CNTNAP2: variants seen among roughly 807,000 people sequenced by gnomAD.
CNTNAP2 encodes the protein contactin-associated protein-like 2.
Under a neutral mutation model 155.2 loss-of-function variants are expected in CNTNAP2, and 98 were observed. The ratio of observed to expected loss-of-function variants is 0.63; its 90% CI spans 0.54 to 0.75. The LOEUF is 0.75. Ranked by LOEUF, CNTNAP2 falls within the 30% of genes least tolerant of loss-of-function variation. The pLI, the probability that CNTNAP2 is intolerant of heterozygous loss-of-function variation, is 0.00. For synonymous variants in CNTNAP2, 651 were observed against 631.2 expected (o/e 1.03, Z -0.47); for missense variants, 1,727 against 1,688.1 (o/e 1.02, Z -0.40).
rs879600389 is a variant in CNTNAP2, at chr7:146,638,476, C to CTTTTTTTTTTTTTTTTTTTTTTTTT, written c.98-135773_98-135772insTTTTTTTTTTTTTTTTTTTTTTTTT. On this transcript the variant is annotated intron_variant, in intron 1 of 23. Coordinates refer to ENST00000361727, the MANE Select transcript of CNTNAP2 (RefSeq NM_014141.6). Reference sequence around the variant, plus strand: ...AACAGTTTAATACAGTCAGGTGTTTCTTTTTTTTTTTTTTTTTTTTTTCTT... The same window carrying CTTTTTTTTTTTTTTTTTTTTTTTTT: ...AACAGTTTAATACAGTCAGGTGTTTCTTTTTTTTTTTTTTTTTTTTTTTTTTTTTTTTTTTTTTTTTTTTTTTCTT... Among the ~76,000 whole-genome samples, 24 of 64,358 alleles carry CTTTTTTTTTTTTTTTTTTTTTTTTT rather than the reference C, an allele frequency of 3.7e-4. 2 individuals carry two copies. The highest frequency in any genetic ancestry group is 5.3e-4 in the East Asian group (1 of 1,886). The allele number at this position is 64,358 out of a possible 152,430, so 42.2% of individuals were successfully genotyped here. A position where few individuals can be genotyped will look rare whatever the true frequency, so the allele number is the denominator to read the frequency against.
intron 13 of CNTNAP2, among the ~76,000 whole-genome samples, chr7:147,705,856 T>C (rs907361867): frequency 5.9e-5 from 9 of 152,192 alleles, no homozygotes; most frequent in Non-Finnish European, 1.3e-4. Context: ...TGTTTTCTCA[T>C]ACAAGTTTAG....
rs796944676 is a variant in CNTNAP2, at chr7:147,476,128, C to T, written c.1671-9807C>T. Among the ~76,000 whole-genome samples the T allele has an allele frequency of 7.8e-4, 119 of 151,736 alleles. 2 individuals carry two copies. The Middle Eastern group carries it at 0.01, about 13-fold the overall frequency. ...ATTTATTTATTTATTTATTTTGAGACGGAGTCTCGCTCTGTCACCCAGGCT... is the reference window on the plus strand; with the variant it reads ...ATTTATTTATTTATTTATTTTGAGATGGAGTCTCGCTCTGTCACCCAGGCT... On this transcript the variant is annotated intron_variant, in intron 10 of 23. Coordinates refer to ENST00000361727, the MANE Select transcript of CNTNAP2 (RefSeq NM_014141.6).
chr7:147,607,177 A>T (rs996511301), intron 12 of CNTNAP2, among the ~76,000 whole-genome samples: 3 of 152,168 alleles, frequency 2.0e-5, no homozygotes, highest in Non-Finnish European at 4.4e-5. Flanking sequence ...GGAAAATTAA[A>T]TACTTCCAGG....
At chr7:147,635,415 C>T (rs1795161972) in intron 12 of CNTNAP2, among the ~76,000 whole-genome samples, 1 of 152,002 alleles carries the variant, frequency 6.6e-6, no homozygotes, top group Non-Finnish European at 1.5e-5. Context: ...TGAGCCACCA[C>T]ACCCTGCCCA....
At chr7:146,721,969 AC>A in intron 1 of CNTNAP2, among the ~76,000 whole-genome samples, 1 of 143,464 alleles carries the variant, frequency 7.0e-6, no homozygotes, top group East Asian at 2.0e-4. Context: ...GCTCACTGCA[AC>A]CTCCACCTCC....
At chr7:146,456,039 G>T (rs964815914) in intron 1 of CNTNAP2, among the ~76,000 whole-genome samples, 1 of 152,026 alleles carries the variant, frequency 6.6e-6, no homozygotes, top group African/African-American at 2.4e-5. Flanking sequence ...CCTTATACAA[G>T]TGGAGAGTTT....
intron 14 of CNTNAP2, among the ~76,000 whole-genome samples, chr7:147,938,395 G>A (rs1321267974): frequency 2.0e-5 from 3 of 151,882 alleles, no homozygotes; most frequent in Admixed American, 6.6e-5. Context: ...ATACATAAAA[G>A]AACTTGGAAT....
At chr7:147,848,442 G>T in intron 13 of CNTNAP2, among the ~76,000 whole-genome samples, 1 of 140,378 alleles carries the variant, frequency 7.1e-6, no homozygotes, top group Non-Finnish European at 1.6e-5. Flanking sequence ...GCAATGCCTC[G>T]CCCTGCTTCG....
At chr7:146,621,162 C>T (rs908717965) in intron 1 of CNTNAP2, among the ~76,000 whole-genome samples, 2 of 152,262 alleles carry the variant, frequency 1.3e-5, no homozygotes, top group South Asian at 2.1e-4. Flanking sequence ...TATATGCTAA[C>T]ATAAGGTCTT....
At chr7:146,398,856 A>G (rs893692530) in intron 1 of CNTNAP2, among the ~76,000 whole-genome samples, 1 of 151,952 alleles carries the variant, frequency 6.6e-6, no homozygotes, top group African/African-American at 2.4e-5. Flanking sequence ...ATGAATTTAA[A>G]ATTTTAGAAA....
chr7:148,205,020 T>A (rs1285720942), intron 18 of CNTNAP2, among the ~76,000 whole-genome samples: 1 of 152,220 alleles, frequency 6.6e-6, no homozygotes, highest in Non-Finnish European at 1.5e-5. Flanking sequence ...GTCTTCATGG[T>A]GTGTAAATAT....
intron 1 of CNTNAP2, among the ~76,000 whole-genome samples, chr7:146,675,753 CTT>C (rs1294760498): frequency 6.7e-6 from 1 of 150,228 alleles, no homozygotes; most frequent in Non-Finnish European, 1.5e-5. Context: ...ATAACATTGA[CTT>C]TTTCAAAAGT....
In CNTNAP2 at chr7:147,543,275, A is replaced by G. The variant is rs553653547; in HGVS notation, c.1778-18863A>G. Among the ~76,000 whole-genome samples the G allele has an allele frequency of 3.7e-4, 57 of 152,322 alleles. 1 individual carries two copies. Among genetic ancestry groups the G allele is most frequent in the Non-Finnish European group, 2.4e-4 (16 of 68,030 alleles). Reference sequence around the variant, plus strand: ...CCTTAAGGCACAGATAGCTCATGCTATTGTTTGTGACTTAAGAATGCCTTT... The same window carrying G: ...CCTTAAGGCACAGATAGCTCATGCTGTTGTTTGTGACTTAAGAATGCCTTT... On this transcript the variant is annotated intron_variant, in intron 11 of 23. Coordinates refer to ENST00000361727, the MANE Select transcript of CNTNAP2 (RefSeq NM_014141.6).
chr7:148,329,506 C>T (rs540042936), intron 21 of CNTNAP2, among the ~76,000 whole-genome samples: 56 of 152,214 alleles, frequency 3.7e-4, no homozygotes, highest in African/African-American at 1.3e-3. Flanking sequence ...AACAAATGTG[C>T]GGGCTGTGGG....
chr7:148,010,254 A>G (rs1461767597), intron 15 of CNTNAP2, among the ~76,000 whole-genome samples: 1 of 151,616 alleles, frequency 6.6e-6, no homozygotes, highest in Non-Finnish European at 1.5e-5. Flanking sequence ...TACATAAACC[A>G]AATATTAATG....
chr7:147,153,939 T>C (rs966297700), intron 8 of CNTNAP2, among the ~76,000 whole-genome samples: 4 of 152,066 alleles, frequency 2.6e-5, no homozygotes, highest in Admixed American at 1.3e-4. Flanking sequence ...ATTTGGAGTA[T>C]AAGTTGAAGG....
At chr7:148,083,523 T>A (rs1213480779) in intron 15 of CNTNAP2, among the ~76,000 whole-genome samples, 1 of 152,142 alleles carries the variant, frequency 6.6e-6, no homozygotes, top group Non-Finnish European at 1.5e-5. Context: ...GAGGAGAAAG[T>A]GGACTGAGAT....
chr7:147,801,851 AC>A (rs1192360957), intron 13 of CNTNAP2, among the ~76,000 whole-genome samples: 2 of 128,138 alleles, frequency 1.6e-5, no homozygotes, highest in Admixed American at 7.7e-5. Flanking sequence ...CACCTCCCAG[AC>A]GGGGGGGGCG....
chr7:147,521,828 A>G (rs1344145085), intron 11 of CNTNAP2, among the ~76,000 whole-genome samples: 1 of 152,156 alleles, frequency 6.6e-6, no homozygotes, highest in African/African-American at 2.4e-5. Context: ...TCTGTGAAAC[A>G]TAATGTTTTC....
Sources: gnomAD v4.1 joint callset for allele counts (sites outside exome capture counted in the v4.1 genomes callset) on GRCh38, gnomAD v4.1.1 for gene constraint, MANE v1.5 for transcripts, NCBI Gene and HGNC (gene_info 2026-07-23, HGNC 2026-07-21) for gene names.